Variants in RBPJ observed in about 807,000 individuals in gnomAD.
The protein encoded by RBPJ is recombining binding protein suppressor of hairless.
RBPJ carries 9 observed loss-of-function variants against 67.8 expected under a neutral mutation model. The ratio of observed to expected loss-of-function variants is 0.13; its 90% confidence interval spans 0.08 to 0.23. The LOEUF (loss-of-function observed/expected upper bound fraction) is 0.23. RBPJ is among the 10% of genes least tolerant of loss of function. The probability of loss-of-function intolerance (pLI) is 1.00; values close to 1 mark genes in which losing one functional copy is unlikely to be tolerated. For synonymous variants in RBPJ, 198 were observed against 203.3 expected (o/e 0.97, Z 0.22); for missense variants, 305 against 595.6 (o/e 0.51, Z 5.08).
At chr4:26,148,062 G>A in the RBPJ span, among the ~76,000 whole-genome samples, 6 of 152,132 alleles carry the variant, frequency 3.9e-5, no homozygotes, top group African/African-American at 1.4e-4. Context: ...TAACATTTAC[G>A]AACCACTGGT....
At chr4:26,140,897 G>A in the RBPJ span, among the ~76,000 whole-genome samples, 1 of 148,592 alleles carries the variant, frequency 6.7e-6, no homozygotes, top group Non-Finnish European at 1.5e-5. Context: ...GAATGGCAGA[G>A]GAGAATTCTA....
In RBPJ at chr4:26,386,398, A is replaced by C. The variant is rs1284964548; in HGVS notation, c.59+7A>C. On this transcript the variant is annotated splice_region_variant and intron_variant, in intron 2 of 10. Transcript: ENST00000355476. Reference sequence around the variant, plus strand: ...CACCTAAACGACTTACTAGGTGAGTATTATATTAGTCAGCTTTTTACACAT... The same window carrying C: ...CACCTAAACGACTTACTAGGTGAGTCTTATATTAGTCAGCTTTTTACACAT... 2 of 1,579,668 alleles carry C rather than the reference A, an allele frequency of 1.3e-6. No individual in the cohort carries two copies. The highest frequency in any genetic ancestry group is 1.7e-6 in the Non-Finnish European group (2 of 1,158,962).
intron 8 of RBPJ, 37 bp from the exon 9 acceptor site, chr4:26,429,861 G>A (rs760196694): frequency 7.4e-5 from 116 of 1,572,454 alleles, no homozygotes; most frequent in Non-Finnish European, 3.1e-5. Flanking sequence ...AATACAAACT[G>A]TATAAAACTT....
At chr4:26,399,150 CT>C (rs1214235421) in intron 2 of RBPJ, among the ~76,000 whole-genome samples, 1 of 152,168 alleles carries the variant, frequency 6.6e-6, no homozygotes, top group Non-Finnish European at 1.5e-5. Flanking sequence ...ATCAGCATGA[CT>C]TACGTTCATT....
chr4:26,287,640 A>AGGG (rs1721525018), intron 1 of RBPJ, among the ~76,000 whole-genome samples: 1 of 55,342 alleles, frequency 1.8e-5, no homozygotes, highest in African/African-American at 1.3e-4. Context: ...GGAGGGGAGG[A>AGGG]GCAGAGAAGA....
intron 3 of RBPJ, among the ~76,000 whole-genome samples, chr4:26,409,823 G>A (rs544283673): frequency 6.6e-6 from 1 of 152,144 alleles, no homozygotes; most frequent in Admixed American, 6.5e-5. Flanking sequence ...TGTATTATTT[G>A]GGCATGGCCT....
chr4:26,356,308 G>A (rs1727370006), intron 1 of RBPJ, among the ~76,000 whole-genome samples: 1 of 152,226 alleles, frequency 6.6e-6, no homozygotes, highest in South Asian at 2.1e-4. Flanking sequence ...TGGGCTCTGT[G>A]TAGCTACTGC....
intron 1 of RBPJ, among the ~76,000 whole-genome samples, chr4:26,263,378 G>A (rs1268822030): frequency 1.6e-5 from 2 of 127,910 alleles, no homozygotes; most frequent in East Asian, 2.6e-4. Context: ...TCACATGACC[G>A]TCTCCCACTG....
intron 1 of RBPJ, among the ~76,000 whole-genome samples, chr4:26,374,187 G>A (rs1023997419): frequency 5.3e-5 from 8 of 152,028 alleles, no homozygotes; most frequent in Non-Finnish European, 1.0e-4. Context: ...TGATCCACTC[G>A]CCTCGGCCTT....
At chr4:26,143,289 C>G in the RBPJ span, among the ~76,000 whole-genome samples, 1 of 152,214 alleles carries the variant, frequency 6.6e-6, no homozygotes, top group African/African-American at 2.4e-5. Flanking sequence ...CACCTCATCC[C>G]TCTTTCAATT....
At chr4:26,183,137 TA>T (rs1215801322) in intron 1 of RBPJ, among the ~76,000 whole-genome samples, 3 of 152,252 alleles carry the variant, frequency 2.0e-5, no homozygotes, top group South Asian at 2.1e-4. Flanking sequence ...GTACATAGTT[TA>T]TGTTTTATCT....
upstream of RBPJ, among the ~76,000 whole-genome samples, chr4:26,160,073 C>T (rs377375658): frequency 2.0e-5 from 3 of 152,266 alleles, no homozygotes; most frequent in Admixed American, 6.5e-5. Context: ...CGCCCGCCAC[C>T]GTGCCCGGCT....
chr4:26,297,334 T>TTGTGTGTG (rs3065203), intron 1 of RBPJ, among the ~76,000 whole-genome samples: 2,263 of 146,776 alleles, frequency 0.015, 56 homozygotes, highest in African/African-American at 0.053. Flanking sequence ...AAAAATCACT[T>TTGTGTGTG]TGTGTGTGTG....
chr4:26,217,189 A>G (rs771132112), intron 1 of RBPJ, among the ~76,000 whole-genome samples: 2 of 152,200 alleles, frequency 1.3e-5, no homozygotes. Context: ...GACAAAGGCA[A>G]TATGTAAAGA....
chr4:26,181,597 A>G (rs960568554), intron 1 of RBPJ, among the ~76,000 whole-genome samples: 3 of 152,172 alleles, frequency 2.0e-5, no homozygotes, highest in African/African-American at 7.2e-5. Flanking sequence ...CGCAGAGTGT[A>G]CTTACACAAA....
chr4:26,355,937 A>G (rs900904040), intron 1 of RBPJ, among the ~76,000 whole-genome samples: 1 of 152,222 alleles, frequency 6.6e-6, no homozygotes, highest in African/African-American at 2.4e-5. Context: ...TCTCAGTTTT[A>G]AACTTTTTAA....
chr4:26,205,695 C>A (rs1013022240), intron 1 of RBPJ, among the ~76,000 whole-genome samples: 34 of 152,124 alleles, frequency 2.2e-4, no homozygotes, highest in African/African-American at 8.0e-4. Flanking sequence ...CAGGTTAAAG[C>A]AATTCTCCTG....
intron 1 of RBPJ, among the ~76,000 whole-genome samples, chr4:26,255,765 G>A (rs1469062826): frequency 6.8e-6 from 1 of 146,258 alleles, no homozygotes; most frequent in Non-Finnish European, 1.5e-5. Flanking sequence ...TCGTGCCACT[G>A]CACTCCAGCC....
chr4:26,256,357 T>A (rs868845093), intron 1 of RBPJ, among the ~76,000 whole-genome samples: 1 of 152,100 alleles, frequency 6.6e-6, no homozygotes, highest in African/African-American at 2.4e-5. Flanking sequence ...ACTGACAGGA[T>A]TGATGAAAAC....
Sources: allele counts gnomAD v4.1 joint callset (sites outside exome capture counted in the v4.1 genomes callset), GRCh38; gene constraint gnomAD v4.1.1; transcripts MANE v1.5; gene names NCBI Gene and HGNC (gene_info 2026-07-23, HGNC 2026-07-21).